Variants in MACROD2 observed in about 807,000 individuals in gnomAD.
MACROD2 encodes the protein ADP-ribose glycohydrolase MACROD2.
Under a neutral mutation model 70.4 loss-of-function variants are expected in MACROD2, and 36 were observed. The observed-to-expected ratio is 0.51, with a 90% CI of 0.39 to 0.68. The LOEUF (loss-of-function observed/expected upper bound fraction) is 0.68, where lower values mean the gene tolerates loss of function less well. Among genes scored for constraint, MACROD2 ranks in the 30% least tolerant of loss-of-function variants. The probability of loss-of-function intolerance (pLI) is 0.00; values close to 1 mark genes in which losing one functional copy is unlikely to be tolerated. For missense variants in MACROD2, 496 were observed against 538.4 expected (o/e 0.92, Z 0.78); for synonymous variants, 172 against 178.8 (o/e 0.96, Z 0.30).
intron 3 of MACROD2, among the ~76,000 whole-genome samples, chr20:14,177,933 T>A (rs1369215947): frequency 2.6e-5 from 4 of 152,154 alleles, no homozygotes; most frequent in African/African-American, 9.7e-5. Flanking sequence ...TTCTTTAAAT[T>A]TTGTATAGGG....
intron 9 of MACROD2, among the ~76,000 whole-genome samples, chr20:15,883,434 A>G (rs1400123338): frequency 1.3e-5 from 2 of 152,144 alleles, no homozygotes; most frequent in African/African-American, 4.8e-5. Flanking sequence ...GCATTCATAG[A>G]ATGAATTTTA....
intron 3 of MACROD2, among the ~76,000 whole-genome samples, chr20:14,185,716 G>A (rs894432884): frequency 6.6e-6 from 1 of 152,086 alleles, no homozygotes; most frequent in African/African-American, 2.4e-5. Context: ...TTTCAACTCA[G>A]CTACTTGCTA....
chr20:14,954,952 T>A (rs1207040712), intron 5 of MACROD2, among the ~76,000 whole-genome samples: 1 of 27,668 alleles, frequency 3.6e-5, no homozygotes, highest in Non-Finnish European at 6.5e-5. Context: ...ATAAGTATAT[T>A]ATATATAATT....
chr20:15,375,312 C>A (rs1462212723), intron 6 of MACROD2, among the ~76,000 whole-genome samples: 1 of 152,090 alleles, frequency 6.6e-6, no homozygotes, highest in Non-Finnish European at 1.5e-5. Flanking sequence ...CTATATAGGG[C>A]CAAATAATCC....
At chr20:14,694,823 G>A (rs1170617399) in intron 5 of MACROD2, among the ~76,000 whole-genome samples, 6 of 152,040 alleles carry the variant, frequency 3.9e-5, no homozygotes, top group African/African-American at 1.2e-4. Context: ...AGAGAAAAGG[G>A]GTACTTTAAA....
intron 5 of MACROD2, among the ~76,000 whole-genome samples, chr20:15,194,243 C>A (rs1721342547): frequency 2.2e-4 from 3 of 13,822 alleles, no homozygotes; most frequent in Admixed American, 1.1e-3. Context: ...GACACTCTGT[C>A]TCAAAAAAAA....
intron 5 of MACROD2, among the ~76,000 whole-genome samples, chr20:14,736,519 A>T (rs953239860): frequency 6.6e-5 from 10 of 152,302 alleles, no homozygotes; most frequent in Middle Eastern, 3.4e-3. Context: ...CAAATATATC[A>T]GTCAGTAACC....
At chr20:15,564,266 A>G (rs1600596944) in intron 8 of MACROD2, among the ~76,000 whole-genome samples, 1 of 152,278 alleles carries the variant, frequency 6.6e-6, no homozygotes. Flanking sequence ...TTTTGTCACT[A>G]TCTGTCTATG....
chr20:14,772,025 A>G (rs2072175252), intron 5 of MACROD2, among the ~76,000 whole-genome samples: 1 of 152,082 alleles, frequency 6.6e-6, no homozygotes, highest in South Asian at 2.1e-4. Flanking sequence ...AAAGAAATTT[A>G]TGCTTACAAA....
At chr20:14,303,101 T>C (rs1422758255) in intron 3 of MACROD2, among the ~76,000 whole-genome samples, 1 of 152,184 alleles carries the variant, frequency 6.6e-6, no homozygotes, top group Non-Finnish European at 1.5e-5. Flanking sequence ...TTACTATGGC[T>C]TATATTTATG....
At chr20:15,635,820 C>G (rs979137220) in intron 8 of MACROD2, among the ~76,000 whole-genome samples, 2 of 151,668 alleles carry the variant, frequency 1.3e-5, no homozygotes, top group Non-Finnish European at 2.9e-5. Context: ...GTAATCCCAG[C>G]GCTTTGGGAG....
chr20:14,908,847 C>G (rs2073991887), intron 5 of MACROD2, among the ~76,000 whole-genome samples: 1 of 152,144 alleles, frequency 6.6e-6, no homozygotes, highest in African/African-American at 2.4e-5. Context: ...TTTGTGTTGT[C>G]TATCTGCTTA....
intron 8 of MACROD2, among the ~76,000 whole-genome samples, chr20:15,678,961 G>A (rs1247922834): frequency 6.6e-6 from 1 of 152,202 alleles, no homozygotes; most frequent in Non-Finnish European, 1.5e-5. Context: ...CACAGGCTGG[G>A]TGCGGTGGCT....
chr20:14,859,395 T>A (rs1157111953), intron 5 of MACROD2, among the ~76,000 whole-genome samples: 4 of 152,164 alleles, frequency 2.6e-5, no homozygotes, highest in African/African-American at 4.8e-5. Context: ...AATGCTTTAA[T>A]TCATGTAAAG....
intron 5 of MACROD2, among the ~76,000 whole-genome samples, chr20:14,838,919 A>G (rs2073058748): frequency 6.6e-6 from 1 of 152,078 alleles, no homozygotes; most frequent in Non-Finnish European, 1.5e-5. Context: ...GAGACATAGA[A>G]TCACATTTTT....
At chr20:15,023,938 G>T (rs1325600518) in intron 5 of MACROD2, among the ~76,000 whole-genome samples, 1 of 152,032 alleles carries the variant, frequency 6.6e-6, no homozygotes, top group Non-Finnish European at 1.5e-5. Context: ...GGGGATAAAG[G>T]TACTACCACC....
intron 6 of MACROD2, among the ~76,000 whole-genome samples, chr20:15,373,539 G>C (rs2045521600): frequency 6.6e-6 from 1 of 152,098 alleles, no homozygotes; most frequent in African/African-American, 2.4e-5. Flanking sequence ...CAAGTAGCTT[G>C]GACTACAGGC....
intron 5 of MACROD2, among the ~76,000 whole-genome samples, chr20:15,088,456 T>A (rs868386448): frequency 7.7e-5 from 10 of 129,610 alleles, no homozygotes; most frequent in African/African-American, 3.1e-4. Flanking sequence ...TATATAATAT[T>A]TTGTGTGTGT....
chr20:14,493,539 A>G, intron 4 of MACROD2, 31 bp downstream of exon 4: 2 of 1,564,144 alleles, frequency 1.3e-6, no homozygotes, highest in African/African-American at 2.7e-5. Flanking sequence ...AACTTAAAAT[A>G]CATTTTAATT....
Sources: gnomAD v4.1 joint callset for allele counts (sites outside exome capture counted in the v4.1 genomes callset) on GRCh38, gnomAD v4.1.1 for gene constraint, MANE v1.5 for transcripts, NCBI Gene and HGNC (gene_info 2026-07-23, HGNC 2026-07-21) for gene names.